The following OAT variants were observed in gnomAD, a reference collection of about 807,000 sequenced individuals.
OAT encodes the protein ornithine aminotransferase, also known as ornithine aminotransferase, mitochondrial.
A neutral mutation model predicts 48.4 loss-of-function variants in OAT; 35 were observed. The observed-to-expected ratio is 0.72, with a 90% CI of 0.55 to 0.96. The LOEUF (loss-of-function observed/expected upper bound fraction) is 0.96, where lower values mean the gene tolerates loss of function less well. Ranked by LOEUF, OAT falls within the 40% of genes least tolerant of loss-of-function variation. The pLI is 0.00. For missense variants in OAT, 438 were observed against 537.9 expected, an observed-to-expected ratio of 0.81 and a Z score of 1.84; for synonymous variants, 182 against 198.4, an observed-to-expected ratio of 0.92 and a Z score of 0.70.
At chr10:124,416,609 T>C (rs1031841265) in intron 1 of OAT, among the ~76,000 whole-genome samples, 1 of 152,182 alleles carries the variant, frequency 6.6e-6, no homozygotes, top group African/African-American at 2.4e-5. Flanking sequence ...ACAGGGTCCT[T>C]CAGGCTACCA....
intron 4 of OAT, among the ~76,000 whole-genome samples, chr10:124,406,689 G>A (rs999104691): frequency 9.3e-5 from 14 of 150,526 alleles, no homozygotes; most frequent in South Asian, 4.2e-4. Flanking sequence ...GGTGGTGGGC[G>A]CCTGTAATCC....
chr10:124,403,429 T>C, intron 6 of OAT: 1 of 411,978 alleles, frequency 2.4e-6, no homozygotes, highest in Non-Finnish European at 4.5e-6. Context: ...TCTCAAATGG[T>C]AAACAAAATA....
At chr10:124,408,504 T>C (rs1186327789) in intron 4 of OAT, 38 bp downstream of exon 4, 3 of 1,533,244 alleles carry the variant, frequency 2.0e-6, no homozygotes, top group African/African-American at 2.7e-5. Context: ...TTATATTGTA[T>C]GTTTCAATCA....
chr10:124,404,553 C>A (rs1486887706), intron 5 of OAT, among the ~76,000 whole-genome samples: 1 of 152,038 alleles, frequency 6.6e-6, no homozygotes, highest in Non-Finnish European at 1.5e-5. Flanking sequence ...TCCCAAAGTG[C>A]TGCGATTACA....
At chr10:124,415,733 T>G (rs1488156379) in intron 1 of OAT, among the ~76,000 whole-genome samples, 1 of 152,206 alleles carries the variant, frequency 6.6e-6, no homozygotes, top group Non-Finnish European at 1.5e-5. Flanking sequence ...AGAGTAACTC[T>G]GGGTGATTCT....
Position 124,398,103 on chromosome 10 carries a change from C to G in OAT, c.1160-1G>C. ...AGACACACCTTCCAAGCATCCCAAT[C>G]TAAAGAAAAATAGTAAAACGTACAT... On this transcript the variant is annotated splice_acceptor_variant, in intron 9 of 9. Transcript: ENST00000368845. LOFTEE classifies it high-confidence loss of function. 1 of 1,614,060 alleles carries G rather than the reference C, an allele frequency of 6.2e-7. No individual in the cohort carries two copies. Among genetic ancestry groups the G allele is most frequent in the Non-Finnish European group, 8.5e-7 (1 of 1,180,014 alleles).
Position 124,397,867 on chromosome 10 carries a change from A to G in OAT, c.*75T>C. ...ACTCATGGGAGTGGAATGTGCCCAC[A>G]TTAGGAATAAAGCTTTTACAGGACC... On this transcript the variant is annotated 3_prime_UTR_variant, in exon 10 of 10. Transcript: ENST00000368845. 3.8e-6 allele frequency: 6 copies of G among 1,584,446 alleles called. No individual in the cohort carries two copies. Among genetic ancestry groups the G allele is most frequent in the Non-Finnish European group, 5.2e-6 (6 of 1,154,728 alleles).
chr10:124,405,235 G>A lies in OAT; in HGVS notation c.648+201C>T, dbSNP rs779489120. ...GACACACATCTAAAGTAGTTGGCTG[G>A]CTGTACAGAGTAGATCACAGAACTC... On this transcript the variant is annotated intron_variant, in intron 5 of 9. Transcript: ENST00000368845. Among the ~76,000 whole-genome samples the A allele has an allele frequency of 2.0e-5, 3 of 152,198 alleles. No homozygotes were observed. The East Asian group carries it at 5.8e-4, about 29-fold the overall frequency.
intron 4 of OAT, among the ~76,000 whole-genome samples, chr10:124,408,284 AGTGTGTGT>A (rs71026082): frequency 0.011 from 908 of 81,138 alleles, 18 homozygotes; most frequent in African/African-American, 0.028. Context: ...AAAATATATA[AGTGTGTGT>A]GTGTGTGTGT....
intron 2 of OAT, among the ~76,000 whole-genome samples, chr10:124,411,155 AAAAAAAAAAG>A (rs1320752720): frequency 9.6e-5 from 14 of 145,938 alleles, no homozygotes; most frequent in South Asian, 2.1e-4. Flanking sequence ...AAAAAAAAAA[AAAAAAAAAAG>A]AAGAAGAGAT....
intron 1 of OAT, among the ~76,000 whole-genome samples, chr10:124,417,407 C>T (rs1951953494): frequency 6.6e-6 from 1 of 151,060 alleles, no homozygotes; most frequent in African/African-American, 2.4e-5. Context: ...GCCTCAGCCT[C>T]CCGAGTAGCT....
intron 4 of OAT, chr10:124,407,482 A>G: frequency 1.0e-6 from 1 of 983,674 alleles, no homozygotes; most frequent in Non-Finnish European, 1.2e-6. Flanking sequence ...TTGTCCTACA[A>G]CGAAAGCACA....
chr10:124,398,959 G>A (rs2134443407), intron 9 of OAT, among the ~76,000 whole-genome samples: 1 of 152,228 alleles, frequency 6.6e-6, no homozygotes, highest in African/African-American at 2.4e-5. Context: ...GGAGGTCGCA[G>A]TGAGCCAAGA....
At chr10:124,412,250 C>T (rs1951780260) in intron 1 of OAT, 50 bp from the exon 2 acceptor site, 1 of 1,405,002 alleles carries the variant, frequency 7.1e-7, no homozygotes, top group Non-Finnish European at 9.9e-7. Flanking sequence ...TTGGCTTATG[C>T]CTATAATCTC....
At chr10:124,403,321 AG>A (rs2134457683) in intron 6 of OAT, 1 of 537,904 alleles carries the variant, frequency 1.9e-6, no homozygotes, top group Non-Finnish European at 3.3e-6. Context: ...GCTGATGCAA[AG>A]GTGAGGGTTT....
chr10:124,400,242 G>A (rs948326225), intron 9 of OAT, among the ~76,000 whole-genome samples: 2 of 152,062 alleles, frequency 1.3e-5, no homozygotes, highest in East Asian at 3.9e-4. Flanking sequence ...GAGGTCAGGA[G>A]ATCGAGACCA....
chr10:124,405,124 T>C (rs1356993840), intron 5 of OAT, among the ~76,000 whole-genome samples: 1 of 152,220 alleles, frequency 6.6e-6, no homozygotes, highest in Non-Finnish European at 1.5e-5. Context: ...TAAAAAGTCT[T>C]CCACTTCATA....
intron 1 of OAT, among the ~76,000 whole-genome samples, chr10:124,414,589 C>G (rs1672668719): frequency 6.6e-6 from 1 of 152,188 alleles, no homozygotes. Flanking sequence ...GCAAAAATGT[C>G]TAACTGTACT....
chr10:124,403,042 G>T lies in OAT; in HGVS notation c.785C>A (p.Ala262Asp), dbSNP rs772762366. 4.3e-6 allele frequency: 7 copies of T among 1,613,892 alleles called. No individual in the cohort carries two copies. In the African/African-American group the frequency reaches 6.7e-5, roughly 15 times the overall value. ...LCTRHQVLFI[A>D]DEIQTGLART... ...GGCCAATCCTGTCTGTATTTCATCA[G>T]CAATAAAGAGAACCTATTGGGGAAA... is the stretch of plus-strand genomic sequence containing the variant. Residue 262 changes from alanine to aspartate, a missense_variant, in exon 7 of 10, where the codon GCT becomes GAT. Coordinates refer to ENST00000368845, the MANE Select transcript of OAT (RefSeq NM_000274.4).
Sources: gnomAD v4.1 joint callset for allele counts (sites outside exome capture counted in the v4.1 genomes callset) on GRCh38, gnomAD v4.1.1 for gene constraint, MANE v1.5 for transcripts, NCBI Gene and HGNC (gene_info 2026-07-23, HGNC 2026-07-21) for gene names.